GNAS: variants seen among roughly 807,000 people sequenced by gnomAD.
GNAS encodes protein ALEX.
In GNAS, 8 loss-of-function variants were observed where a neutral mutation model predicts 54.5. The ratio of observed to expected loss-of-function variants is 0.15; its 90% CI spans 0.09 to 0.26. The LOEUF (loss-of-function observed/expected upper bound fraction) is 0.26, where lower values mean the gene tolerates loss of function less well. Ranked by LOEUF, GNAS falls within the 10% of genes least tolerant of loss-of-function variation. GNAS has a pLI of 1.00. For missense variants in GNAS, 170 were observed against 529.8 expected (o/e 0.32, Z 6.67); for synonymous variants, 204 against 191.4 (o/e 1.07, Z -0.54).
chr20:58,840,639 C>CGCCGCCCA (rs770021477), upstream of GNAS: 35 of 1,605,926 alleles, frequency 2.2e-5, no homozygotes, highest in Non-Finnish European at 2.8e-5. The surrounding 1 kb of genome is among the most constrained non-coding windows in gnomAD (Gnocchi z 6.0). Context: ...CCAAGTCGCG[C>CGCCGCCCA]GCCGCCCAGC....
At chr20:58,900,073 G>C in intron 3 of GNAS, 1 of 601,950 alleles carries the variant, frequency 1.7e-6, no homozygotes, top group Non-Finnish European at 3.1e-6. Flanking sequence ...GTTATCTGAG[G>C]GGGGAGGGGG....
rs151294425 is a variant in GNAS at position 58,852,205 on chromosome 20, G to A, written c.43+11319G>A. Reference sequence around the variant, plus strand: ...TGCGTCACCATCCACATAAACAAGAGAGCACCCTGCTTGCGCCGCTGTGGG... The same window carrying A: ...TGCGTCACCATCCACATAAACAAGAAAGCACCCTGCTTGCGCCGCTGTGGG... On this transcript the variant is annotated intron_variant, in intron 1 of 12. Coordinates refer to the GNAS transcript ENST00000306090. 4.1e-3 allele frequency among the ~76,000 whole-genome samples: 622 copies of A among 152,094 alleles called. 4 individuals are homozygous for A. The highest frequency in any genetic ancestry group is 0.017 in the Middle Eastern group (5 of 294).
chr20:58,855,679 C>T (rs1476149716), intron 1 of GNAS: 5 of 683,570 alleles, frequency 7.3e-6, no homozygotes, highest in African/African-American at 1.8e-5. Context: ...GGCCCCGGGG[C>T]CCCGGGACTC....
chr20:58,855,327 C>T (rs2086427165), intron 1 of GNAS: 1 of 1,568,874 alleles, frequency 6.4e-7, no homozygotes, highest in Admixed American at 1.9e-5. Context: ...CCGCCTGCTG[C>T]TTCTAGGTAA....
rs563789394 is a variant in GNAS at position 58,893,036 on chromosome 20, T to C, written c.139+1171T>C. Among the ~76,000 whole-genome samples, 18 of 148,698 alleles carry C rather than the reference T, an allele frequency of 1.2e-4. No homozygotes were observed. In the South Asian group the frequency reaches 2.8e-3, roughly 23 times the overall value. ...CTGGAGAATGACATTTGTCTGTAAA[T>C]GGCTTCTTGGTCTGGAAATGGCGTG... On this transcript the variant is annotated intron_variant, in intron 1 of 12. Transcript: ENST00000371085.
At chr20:58,880,568 C>T (rs928328720) in intron 1 of GNAS, among the ~76,000 whole-genome samples, 5 of 152,194 alleles carry the variant, frequency 3.3e-5, no homozygotes, top group African/African-American at 1.2e-4. Flanking sequence ...ACAAGCGTGA[C>T]AGCTGGGTGA....
rs762330841 is a variant in GNAS, at chr20:58,853,986, G to A, written c.43+13100G>A. On this transcript the variant is annotated intron_variant, in intron 1 of 12. Transcript: ENST00000306090. The surrounding 1 kb of genome is among the most constrained non-coding windows in gnomAD (Gnocchi z 4.4). The stretch of plus-strand genomic sequence containing the variant: ...ATTTGGGGACGACAGCCCACCCCCG[G>A]GGCTTTCCCGAGTTATCGCACAAGT... 1.2e-6 allele frequency: 2 copies of A among 1,612,108 alleles called. No individual in the cohort carries two copies. Among genetic ancestry groups the A allele is most frequent in the Non-Finnish European group, 1.7e-6 (2 of 1,179,756 alleles).
intron 5 of GNAS, 39 bp downstream of exon 5, chr20:58,903,830 C>T (rs771484563): frequency 2.5e-6 from 4 of 1,611,710 alleles, no homozygotes; most frequent in Admixed American, 1.7e-5. Flanking sequence ...TAGCCCCGCC[C>T]ACCTGAGCAC....
At chr20:58,870,123 A>T (rs1000451515) in intron 1 of GNAS, among the ~76,000 whole-genome samples, 1 of 152,216 alleles carries the variant, frequency 6.6e-6, no homozygotes, top group Non-Finnish European at 1.5e-5. Flanking sequence ...TCCATACCCC[A>T]TTCATATACA....
In GNAS at chr20:58,892,100, C is replaced by T. The variant is rs537739886; in HGVS notation, c.139+235C>T. 24 of 968,726 alleles carry T rather than the reference C, an allele frequency of 2.5e-5. No individual in the cohort carries two copies. The East Asian group carries it at 2.1e-3, about 85-fold the overall frequency. The allele number at this position is 968,726 out of a possible 1,614,324, so 60.0% of individuals were successfully genotyped here. A position where few individuals can be genotyped will look rare whatever the true frequency, so the allele number is the denominator to read the frequency against. Reference sequence around the variant, plus strand: ...CGTGGCGACGCGGGCGCGGGTCCCCCTCCCCCGGCCTGCCCGCTCAGTGTC... The same window carrying T: ...CGTGGCGACGCGGGCGCGGGTCCCCTTCCCCCGGCCTGCCCGCTCAGTGTC... On this transcript the variant is annotated intron_variant, in intron 1 of 12. Coordinates refer to ENST00000371085, the MANE Select transcript of GNAS (RefSeq NM_000516.7).
intron 1 of GNAS, among the ~76,000 whole-genome samples, chr20:58,859,801 T>C (rs1353914648): frequency 1.3e-5 from 2 of 152,034 alleles, no homozygotes; most frequent in Admixed American, 1.3e-4. Context: ...AATTTTTGTA[T>C]TGTTAGTAGA....
At position 58,878,304 on chromosome 20, in the gene GNAS, A is replaced by G. The variant is rs568400369; in HGVS notation, c.44-17308A>G. 2.0e-5 allele frequency among the ~76,000 whole-genome samples: 3 copies of G among 152,226 alleles called. No homozygotes were observed. The East Asian group carries it at 5.8e-4, about 29-fold the overall frequency. On this transcript the variant is annotated intron_variant, in intron 1 of 12. Transcript: ENST00000306090. ...GCCTGCTATGCAGCAACTTTTCTGAACAATTTGTGATTTTCTGTTCTTATT... is the reference window on the plus strand; with the variant it reads ...GCCTGCTATGCAGCAACTTTTCTGAGCAATTTGTGATTTTCTGTTCTTATT...
chr20:58,889,486 C>CA (rs1323987591), upstream of GNAS: 1 of 308,986 alleles, frequency 3.2e-6, no homozygotes, highest in East Asian at 1.7e-4. Context: ...GGGCACCCCC[C>CA]AATTCTCTCT....
chr20:58,862,962 G>GGAA (rs764397592), intron 1 of GNAS, among the ~76,000 whole-genome samples: 2 of 82,340 alleles, frequency 2.4e-5, no homozygotes, highest in African/African-American at 1.0e-4. Flanking sequence ...TATTACACAT[G>GGAA]AAAAAAAAAA....
chr20:58,907,871 C>T (rs1196225251), intron 6 of GNAS, among the ~76,000 whole-genome samples: 1 of 152,234 alleles, frequency 6.6e-6, no homozygotes, highest in African/African-American at 2.4e-5. Context: ...GTGCCCATTT[C>T]TTAAGCTGTC....
At chr20:58,901,888 C>G (rs1442326610) in intron 3 of GNAS, among the ~76,000 whole-genome samples, 1 of 136,762 alleles carries the variant, frequency 7.3e-6, no homozygotes, top group Admixed American at 7.9e-5. Context: ...TGCTCGTCTG[C>G]TCGTCTGCTC....
At position 58,903,605 on chromosome 20, in the gene GNAS, GCTGT is replaced by G. The variant is rs773631344; in HGVS notation, c.312+27_312+30del. On this transcript the variant is annotated intron_variant, in intron 4 of 12. Transcript: ENST00000371085. ...ATTGAAGTACGTGCTGGCTCCTTGT[GCTGT>G]CTGTCTTGTAGCGCCCTCCCAGCCA... 2.0e-5 allele frequency: 33 copies of G among 1,613,958 alleles called. No homozygotes were observed. The Middle Eastern group carries it at 6.6e-4, about 32-fold the overall frequency.
At position 58,910,947 on chromosome 20, in the gene GNAS, TC is replaced by T; in HGVS notation, c.*123del. Reference sequence around the variant, plus strand: ...ATGATTAACAAAGCAACCTTTCCCTTCCCCCGAGTGATTTTGCGAAACCCCC... The same window carrying T: ...ATGATTAACAAAGCAACCTTTCCCTTCCCCGAGTGATTTTGCGAAACCCCC... On this transcript the variant is annotated 3_prime_UTR_variant, in exon 13 of 13. Transcript: ENST00000371085. This position sits in a 1 kb window ranked among gnomAD's most constrained non-coding sequence, Gnocchi z 5.8. 1 of 1,029,132 alleles carries T rather than the reference TC, an allele frequency of 9.7e-7. No homozygotes were observed. Among genetic ancestry groups the T allele is most frequent in the Non-Finnish European group, 1.5e-6 (1 of 673,842 alleles). The allele number at this position is 1,029,132 out of a possible 1,614,324, so 63.8% of individuals were successfully genotyped here.
intron 1 of GNAS, among the ~76,000 whole-genome samples, chr20:58,894,895 A>G (rs1465698706): frequency 2.0e-5 from 3 of 152,250 alleles, no homozygotes; most frequent in Non-Finnish European, 4.4e-5. Flanking sequence ...CCAGAAGATG[A>G]CAGATAATTG....
Sources: gnomAD v4.1 joint callset for allele counts (sites outside exome capture counted in the v4.1 genomes callset) on GRCh38, gnomAD v4.1.1 for gene constraint, Gnocchi (gnomAD v3.1) non-coding constraint, MANE v1.5 for transcripts, NCBI Gene and HGNC (gene_info 2026-07-23, HGNC 2026-07-21) for gene names.